Variants in CNBD1 observed in about 807,000 individuals in gnomAD.
CNBD1 encodes cyclic nucleotide binding domain containing 1, also known as cyclic nucleotide-binding domain-containing protein 1.
A neutral mutation model predicts 54.4 loss-of-function variants in CNBD1; 71 were observed. That is an observed-to-expected ratio of 1.30 (90% CI 1.08 to 1.59). CNBD1 has a LOEUF of 1.59. Among genes scored for constraint, CNBD1 ranks in the 40% most tolerant of loss-of-function variants. CNBD1 has a pLI of 0.00. For synonymous variants in CNBD1, 182 were observed against 170.7 expected, an observed-to-expected ratio of 1.07 and a Z score of -0.51; for missense variants, 659 against 518.0, an observed-to-expected ratio of 1.27 and a Z score of -2.64.
intron 2 of CNBD1, among the ~76,000 whole-genome samples, chr8:87,406,230 T>A (rs1807649434): frequency 6.6e-6 from 1 of 152,076 alleles, no homozygotes; most frequent in African/African-American, 2.4e-5. Context: ...GAAACTTTTT[T>A]AAAGTGAAAA....
chr8:87,275,315 G>A (rs1027659556), intron 6 of CNBD1, among the ~76,000 whole-genome samples: 1 of 150,292 alleles, frequency 6.7e-6, no homozygotes, highest in African/African-American at 2.5e-5. Context: ...TGTGAAGAAA[G>A]TCATTGGTGG....
chr8:87,186,562 C>T (rs1250964100), intron 4 of CNBD1, among the ~76,000 whole-genome samples: 1 of 152,048 alleles, frequency 6.6e-6, no homozygotes, highest in African/African-American at 2.4e-5. Flanking sequence ...CTTCTAAAGA[C>T]AGTTGTATAC....
intron 4 of CNBD1, among the ~76,000 whole-genome samples, chr8:86,962,931 A>T (rs573890019): frequency 1.3e-5 from 2 of 152,286 alleles, no homozygotes; most frequent in Non-Finnish European, 2.9e-5. Context: ...GTGAAGGGGA[A>T]AAAGCTATTT....
rs141674846 is a variant in CNBD1 at position 87,408,655 on chromosome 8, TAG to T, written c.214-19888_214-19887del. Among the ~76,000 whole-genome samples, 1,473 of 152,168 alleles carry T rather than the reference TAG, an allele frequency of 9.7e-3. 21 individuals are homozygous for T. The highest frequency in any genetic ancestry group is 0.033 in the African/African-American group (1,360 of 41,538). On this transcript the variant is annotated intron_variant, in intron 2 of 7. Transcript: ENST00000521593. Reference sequence around the variant, plus strand: ...CAGATGTTGCATTTTTAAAACAAATTAGAGGTTGGTGACAGCCCTGCATCAAG... The same window carrying T: ...CAGATGTTGCATTTTTAAAACAAATTAGGTTGGTGACAGCCCTGCATCAAG...
At chr8:87,114,354 T>A (rs1192949001) in intron 4 of CNBD1, among the ~76,000 whole-genome samples, 1 of 152,154 alleles carries the variant, frequency 6.6e-6, no homozygotes, top group Non-Finnish European at 1.5e-5. Flanking sequence ...GATTGACTAA[T>A]TTTTTTGTTT....
chr8:87,371,871 A>C (rs543737722), intron 10 of CNBD1, among the ~76,000 whole-genome samples: 3 of 152,104 alleles, frequency 2.0e-5, no homozygotes, highest in Admixed American at 6.6e-5. Context: ...ACAAACCCAC[A>C]GCCAATATCA....
At chr8:87,106,832 A>C (rs1411802939) in intron 4 of CNBD1, among the ~76,000 whole-genome samples, 1 of 151,764 alleles carries the variant, frequency 6.6e-6, no homozygotes, top group Admixed American at 6.6e-5. Context: ...TTATTTATTT[A>C]TTTATTTTTT....
chr8:87,348,488 T>C (rs1810218387), intron 8 of CNBD1, among the ~76,000 whole-genome samples: 1 of 152,186 alleles, frequency 6.6e-6, no homozygotes, highest in South Asian at 2.1e-4. Flanking sequence ...AGTTCAAAGA[T>C]AACATTAATT....
intron 4 of CNBD1, among the ~76,000 whole-genome samples, chr8:87,094,753 A>T (rs1811283591): frequency 6.6e-6 from 1 of 152,042 alleles, no homozygotes; most frequent in Non-Finnish European, 1.5e-5. Context: ...AAAATAATTT[A>T]TGGGCCAGGT....
chr8:87,271,391 A>G (rs1273744381), intron 6 of CNBD1, among the ~76,000 whole-genome samples: 1 of 151,826 alleles, frequency 6.6e-6, no homozygotes, highest in African/African-American at 2.4e-5. Context: ...ACTTCTATGA[A>G]CTTATCTCTT....
chr8:87,402,839 G>A (rs1329712721), intron 2 of CNBD1, among the ~76,000 whole-genome samples: 1 of 152,038 alleles, frequency 6.6e-6, no homozygotes, highest in Non-Finnish European at 1.5e-5. Context: ...TGGAAGCAAA[G>A]CCATCTAATG....
chr8:86,968,938 C>G (rs1164544595), intron 4 of CNBD1, among the ~76,000 whole-genome samples: 1 of 152,106 alleles, frequency 6.6e-6, no homozygotes, highest in Non-Finnish European at 1.5e-5. Context: ...TGAAATTCAG[C>G]AGAACTGTTT....
chr8:87,143,973 T>C (rs1010746116), intron 4 of CNBD1, among the ~76,000 whole-genome samples: 3 of 152,152 alleles, frequency 2.0e-5, no homozygotes, highest in Non-Finnish European at 4.4e-5. Flanking sequence ...TTATGACAAA[T>C]ACAAAGTTTA....
intron 3 of CNBD1, among the ~76,000 whole-genome samples, chr8:86,918,618 A>C (rs1367316003): frequency 6.6e-6 from 1 of 151,592 alleles, no homozygotes; most frequent in East Asian, 1.9e-4. Context: ...GCTTGGCTCT[A>C]ATTCTGTCTT....
chr8:87,243,867 A>G (rs1807750330), intron 6 of CNBD1, among the ~76,000 whole-genome samples: 1 of 152,172 alleles, frequency 6.6e-6, no homozygotes, highest in African/African-American at 2.4e-5. Flanking sequence ...GAAAAAAGAC[A>G]CAGAATGTGA....
chr8:87,393,933 A>G (rs140655241), intron 2 of CNBD1, among the ~76,000 whole-genome samples: 1 of 151,830 alleles, frequency 6.6e-6, no homozygotes, highest in African/African-American at 2.4e-5. Context: ...AAAAAACACT[A>G]TCCAAAGGCC....
At chr8:86,934,820 A>G (rs892731599) in intron 3 of CNBD1, among the ~76,000 whole-genome samples, 49 of 152,282 alleles carry the variant, frequency 3.2e-4, no homozygotes, top group African/African-American at 1.2e-3. Flanking sequence ...GTTATCTTCT[A>G]AAATTATCCC....
At position 87,101,667 on chromosome 8, in the gene CNBD1, A is replaced by G. The variant is rs78796353; in HGVS notation, c.432-104326A>G. On this transcript the variant is annotated intron_variant, in intron 4 of 10. Coordinates refer to ENST00000518476, the MANE Select transcript of CNBD1 (RefSeq NM_173538.3). The stretch of plus-strand genomic sequence containing the variant: ...ATCATATTAACATTTATAGAACATG[A>G]CAACTGCAGAATTGACAGTCTTTTA... 2.6e-3 allele frequency among the ~76,000 whole-genome samples: 398 copies of G among 152,228 alleles called. 3 individuals carry two copies. Among genetic ancestry groups the G allele is most frequent in the African/African-American group, 8.9e-3 (370 of 41,546 alleles).
At chr8:87,247,512 A>G (rs143512819) in intron 6 of CNBD1, among the ~76,000 whole-genome samples, 2 of 152,326 alleles carry the variant, frequency 1.3e-5, no homozygotes, top group African/African-American at 4.8e-5. Flanking sequence ...CACAGTTGTC[A>G]GTCTCCCCTG....
Sources: allele counts gnomAD v4.1 joint callset (sites outside exome capture counted in the v4.1 genomes callset), GRCh38; gene constraint gnomAD v4.1.1; transcripts MANE v1.5; gene names NCBI Gene and HGNC (gene_info 2026-07-23, HGNC 2026-07-21).